The following SGK3 variants were observed in gnomAD, a reference collection of about 807,000 sequenced individuals.
The protein encoded by SGK3 is serine/threonine-protein kinase Sgk3.
In SGK3, 47 loss-of-function variants were observed where a neutral mutation model predicts 68.5. The observed-to-expected ratio is 0.69, with a 90% CI of 0.54 to 0.87. The LOEUF (loss-of-function observed/expected upper bound fraction) is 0.87. Among genes scored for constraint, SGK3 ranks in the 40% least tolerant of loss-of-function variants. The pLI is 0.00. For synonymous variants in SGK3, 181 were observed against 189.1 expected (o/e 0.96, Z 0.35); for missense variants, 479 against 575.5 (o/e 0.83, Z 1.72).
intron 7 of SGK3, among the ~76,000 whole-genome samples, chr8:66,829,771 G>A (rs1016429052): frequency 6.6e-6 from 1 of 152,048 alleles, no homozygotes; most frequent in African/African-American, 2.4e-5. Flanking sequence ...TGCTTCAAAG[G>A]AAAGCAAATA....
Position 66,793,605 on chromosome 8 carries a change from TG to T in SGK3, c.-121-10del. ...TTTGCTAATCACTTTTTTTTTTTTC[TG>T]TTGGTTAAGGTTGCATGATGGAATT... On this transcript the variant is annotated splice_polypyrimidine_tract_variant and intron_variant, in intron 1 of 16. Transcript: ENST00000521198. 1 of 732,214 alleles carries T rather than the reference TG, an allele frequency of 1.4e-6. No homozygotes were observed. Among genetic ancestry groups the T allele is most frequent in the African/African-American group, 1.8e-5 (1 of 55,900 alleles). 45.4% of individuals were successfully genotyped at this position (732,214 alleles called of 1,614,324 possible).
chr8:66,809,223 A>G (rs1357411974), intron 4 of SGK3, among the ~76,000 whole-genome samples: 2 of 152,158 alleles, frequency 1.3e-5, no homozygotes, highest in Non-Finnish European at 2.9e-5. Context: ...GGAAATGCCT[A>G]AAAGCAATAA....
chr8:66,778,942 T>G (rs1361822620), intron 1 of SGK3, among the ~76,000 whole-genome samples: 1 of 152,106 alleles, frequency 6.6e-6, no homozygotes, highest in East Asian at 1.9e-4. Context: ...ATATATTTTG[T>G]TTTTGTATTT....
chr8:66,820,856 A>G (rs374481319), intron 5 of SGK3, among the ~76,000 whole-genome samples: 11 of 152,180 alleles, frequency 7.2e-5, no homozygotes, highest in African/African-American at 2.2e-4. Flanking sequence ...GGTGCACACC[A>G]TCATGCCTGG....
rs367796384 is a variant in SGK3, at chr8:66,719,068, C to T, written c.-122+6235C>T. On this transcript the variant is annotated intron_variant, in intron 1 of 16. Coordinates refer to ENST00000521198, the MANE Select transcript of SGK3 (RefSeq NM_001033578.3). ...CTCCAGCCTAGGTGACAGATTGAGACCCTATCCCCCCCAATAAAAAAGTAT... is the reference window on the plus strand; with the variant it reads ...CTCCAGCCTAGGTGACAGATTGAGATCCTATCCCCCCCAATAAAAAAGTAT... Among the ~76,000 whole-genome samples the T allele has an allele frequency of 3.7e-4, 57 of 152,136 alleles. 1 individual carries two copies. In the South Asian group the frequency reaches 8.7e-3, roughly 23 times the overall value.
At chr8:66,747,529 T>A (rs1442227915) in intron 1 of SGK3, among the ~76,000 whole-genome samples, 1 of 152,126 alleles carries the variant, frequency 6.6e-6, no homozygotes, top group Admixed American at 6.5e-5. Flanking sequence ...TGGTCCTATG[T>A]GTGATCATTT....
At chr8:66,722,842 A>G (rs1356765787) in intron 1 of SGK3, among the ~76,000 whole-genome samples, 1 of 152,024 alleles carries the variant, frequency 6.6e-6, no homozygotes, top group East Asian at 1.9e-4. Flanking sequence ...GGGAATAGGG[A>G]CATCACGTGG....
At chr8:66,782,930 G>A (rs1807050765) in intron 1 of SGK3, among the ~76,000 whole-genome samples, 1 of 152,216 alleles carries the variant, frequency 6.6e-6, no homozygotes, top group African/African-American at 2.4e-5. Flanking sequence ...GAATAAAGTT[G>A]CTAGAGACAT....
chr8:66,846,200 G>GT (rs1334053962), intron 14 of SGK3, among the ~76,000 whole-genome samples: 1 of 152,186 alleles, frequency 6.6e-6, no homozygotes, highest in Non-Finnish European at 1.5e-5. Flanking sequence ...AAAGGAAGTA[G>GT]TTTTGTAGGT....
chr8:66,801,935 A>T (rs1807962489), intron 3 of SGK3, among the ~76,000 whole-genome samples: 2 of 152,248 alleles, frequency 1.3e-5, no homozygotes, highest in Admixed American at 1.3e-4. Flanking sequence ...CATAAAAATA[A>T]AATAGGAAAA....
chr8:66,798,410 C>T, intron 2 of SGK3, 132 bp from the exon 3 acceptor site: 1 of 631,930 alleles, frequency 1.6e-6, no homozygotes, highest in South Asian at 2.8e-5. Flanking sequence ...AATATGAAAA[C>T]ATCAGCCTTG....
intron 10 of SGK3, among the ~76,000 whole-genome samples, chr8:66,839,535 A>ATATATATG (rs1809697629): frequency 2.6e-5 from 2 of 76,946 alleles, no homozygotes; most frequent in African/African-American, 1.1e-4. Flanking sequence ...ATATATATAT[A>ATATATATG]TATATATATA....
intron 6 of SGK3, among the ~76,000 whole-genome samples, chr8:66,825,367 C>T (rs1032185689): frequency 2.7e-5 from 4 of 146,360 alleles, no homozygotes; most frequent in Non-Finnish European, 4.5e-5. Flanking sequence ...CTCGCTCCGT[C>T]GCCCAGGCTG....
At position 66,804,372 on chromosome 8, in the gene SGK3, T is replaced by C. The variant is rs1585741039; in HGVS notation, c.181-3T>C. 2 of 1,605,712 alleles carry C rather than the reference T, an allele frequency of 1.2e-6. No homozygotes were observed. Among genetic ancestry groups the C allele is most frequent in the Non-Finnish European group, 1.7e-6 (2 of 1,177,756 alleles). On this transcript the variant is annotated splice_polypyrimidine_tract_variant and splice_region_variant and intron_variant, in intron 3 of 16. Coordinates refer to ENST00000521198, the MANE Select transcript of SGK3 (RefSeq NM_001033578.3). ...CATATAATGTTATTTTTAAAAATTT[T>C]AGTTAAAAAAACAGTTTCCTGCTAT... is the stretch of plus-strand genomic sequence containing the variant.
rs73262315 is a variant in SGK3, at chr8:66,858,814, G to C, written c.1321-597G>C. Reference sequence around the variant, plus strand: ...TTTTTGTTTGTTTTTTAGCTCATCAGCTATTGTTAATGTTGGTGAGTGTGG... The same window carrying C: ...TTTTTGTTTGTTTTTTAGCTCATCACCTATTGTTAATGTTGGTGAGTGTGG... On this transcript the variant is annotated intron_variant, in intron 16 of 16. Transcript: ENST00000521198. Among the ~76,000 whole-genome samples, 909 of 152,208 alleles carry C rather than the reference G, an allele frequency of 6.0e-3. 6 individuals carry two copies. Among genetic ancestry groups the C allele is most frequent in the African/African-American group, 0.021 (879 of 41,518 alleles).
intron 1 of SGK3, among the ~76,000 whole-genome samples, chr8:66,758,010 C>CA (rs1563612434): frequency 8.4e-6 from 1 of 119,122 alleles, no homozygotes; most frequent in East Asian, 2.1e-4. Context: ...CACACACACA[C>CA]TACACACACA....
At chr8:66,725,141 A>C (rs113938987) in intron 1 of SGK3, among the ~76,000 whole-genome samples, 20,183 of 152,078 alleles carry the variant, frequency 0.13, 2,599 homozygotes, top group African/African-American at 0.33. Flanking sequence ...AGGCAGGAGA[A>C]TGGCGTGAAC....
intron 1 of SGK3, among the ~76,000 whole-genome samples, chr8:66,785,173 CTT>C (rs1484974924): frequency 6.6e-6 from 1 of 152,230 alleles, no homozygotes; most frequent in African/African-American, 2.4e-5. Context: ...CTGGTGCTCT[CTT>C]CTCTTCAACT....
chr8:66,831,392 G>A (rs1809297547), intron 8 of SGK3, 81 bp downstream of exon 8: 2 of 1,548,140 alleles, frequency 1.3e-6, no homozygotes, highest in East Asian at 2.3e-5. Context: ...TGTTGTCCAG[G>A]CTGGAGTGTA....
Sources: allele counts gnomAD v4.1 joint callset (sites outside exome capture counted in the v4.1 genomes callset), GRCh38; gene constraint gnomAD v4.1.1; transcripts MANE v1.5; gene names NCBI Gene and HGNC (gene_info 2026-07-23, HGNC 2026-07-21).